Variants in EXO1 observed in about 807,000 individuals in gnomAD.
EXO1 encodes the protein exonuclease 1.
Under a neutral mutation model 84.5 loss-of-function variants are expected in EXO1, and 69 were observed. That is an observed-to-expected ratio of 0.82 (90% CI 0.67 to 1.00). The LOEUF (loss-of-function observed/expected upper bound fraction) is 1.00, where lower values mean the gene tolerates loss of function less well. Among genes scored for constraint, EXO1 ranks in the 50% least tolerant of loss-of-function variants. The pLI is 0.00. For missense variants in EXO1, 1,045 were observed against 1,000.7 expected (o/e 1.04, Z -0.60); for synonymous variants, 373 against 366.1 (o/e 1.02, Z -0.21).
At chr1:241,870,565 A>ACATT (rs1049528763) in intron 11 of EXO1, among the ~76,000 whole-genome samples, 74 of 152,336 alleles carry the variant, frequency 4.9e-4, no homozygotes, top group African/African-American at 1.8e-3. Context: ...GATTGCATTC[A>ACATT]CATTCTTGCA....
chr1:241,865,662 T>TGTCCTTCTCATAGAGAAATTTC (rs1384195007), intron 10 of EXO1, among the ~76,000 whole-genome samples: 1 of 152,224 alleles, frequency 6.6e-6, no homozygotes, highest in Non-Finnish European at 1.5e-5. Flanking sequence ...GTCAGAATTT[T>TGTCCTTCTCATAGAGAAATTTC]GTCCTTCTCA....
intron 9 of EXO1, among the ~76,000 whole-genome samples, chr1:241,860,934 G>C (rs1029361109): frequency 2.2e-4 from 33 of 152,150 alleles, no homozygotes; most frequent in Non-Finnish European, 3.2e-4. Context: ...TACTTAGATT[G>C]ACTGACAGTA....
At chr1:241,872,567 A>G (rs549563377) in intron 12 of EXO1, among the ~76,000 whole-genome samples, 1 of 152,090 alleles carries the variant, frequency 6.6e-6, no homozygotes, top group African/African-American at 2.4e-5. Context: ...ATGTACTCTC[A>G]TTGTTCAACT....
intron 10 of EXO1, among the ~76,000 whole-genome samples, chr1:241,864,271 A>G (rs957151159): frequency 3.3e-5 from 5 of 152,212 alleles, no homozygotes; most frequent in Non-Finnish European, 7.3e-5. Context: ...ACATTTTTCC[A>G]AAAAGAGATG....
In EXO1 at chr1:241,882,323, C is replaced by G. The variant is rs148696074; in HGVS notation, c.2211+306C>G. On this transcript the variant is annotated intron_variant, in intron 14 of 15. Coordinates refer to ENST00000366548, the MANE Select transcript of EXO1 (RefSeq NM_130398.4). ...GTCATTTACCCTAAATTTTTTTGCT[C>G]TAGCAAATAATACTGCAACCAAGAT... Among the ~76,000 whole-genome samples the G allele has an allele frequency of 4.5e-3, 688 of 151,986 alleles. 7 individuals carry two copies. Among genetic ancestry groups the G allele is most frequent in the Middle Eastern group, 0.014 (4 of 294 alleles).
intron 7 of EXO1, 143 bp downstream of exon 7, chr1:241,857,625 A>T (rs1299909349): frequency 3.6e-6 from 1 of 275,506 alleles, no homozygotes. Context: ...TTACAAGGTA[A>T]ATTATTGTAT....
rs143800705 is a variant in EXO1, at chr1:241,878,904, G to A, written c.1670G>A (p.Arg557His). The A allele has an allele frequency of 7.7e-4, 1,235 of 1,614,156 alleles. 4 individuals carry two copies. Among genetic ancestry groups the A allele is most frequent in the South Asian group, 5.0e-3 (458 of 91,086 alleles). ...GKRLVDTDVA[R>H]NSSDDIPNNH... ...AGACTGGTTGACACAGATGTAGCACGTAATTCAAGTGATGACATTCCGAAT... is the reference window on the plus strand; with the variant it reads ...AGACTGGTTGACACAGATGTAGCACATAATTCAAGTGATGACATTCCGAAT... Residue 557 changes from arginine to histidine, a missense_variant, in exon 13 of 16, where the codon CGT (arginine) becomes CAT (histidine). Transcript: ENST00000366548.
In EXO1 at chr1:241,878,930, AATCATATTCCAGGTG is replaced by A; in HGVS notation, c.1709_1723del (p.Gly570_Pro574del). The stretch of plus-strand genomic sequence containing the variant: ...TAATTCAAGTGATGACATTCCGAAT[AATCATATTCCAGGTG>A]ATCATATTCCAGACAAGGCAACAGT... On this transcript the variant is annotated inframe_deletion, in exon 13 of 16. Transcript: ENST00000366548. 1 of 1,614,202 alleles carries A rather than the reference AATCATATTCCAGGTG, an allele frequency of 6.2e-7. No homozygotes were observed.
At chr1:241,883,620 A>T (rs1014695463) in intron 14 of EXO1, among the ~76,000 whole-genome samples, 2 of 152,230 alleles carry the variant, frequency 1.3e-5, no homozygotes, top group Non-Finnish European at 2.9e-5. Flanking sequence ...AATATGAAAT[A>T]TGTAAATATG....
At chr1:241,870,573 G>A (rs1036741658) in intron 11 of EXO1, among the ~76,000 whole-genome samples, 1 of 152,172 alleles carries the variant, frequency 6.6e-6, no homozygotes, top group Admixed American at 6.5e-5. Flanking sequence ...TCACATTCTT[G>A]CAATCTGGCA....
chr1:241,865,464 GCCT>G lies in EXO1; in HGVS notation c.1042-1363_1042-1361del, dbSNP rs556019539. Among the ~76,000 whole-genome samples, 10 of 151,956 alleles carry G rather than the reference GCCT, an allele frequency of 6.6e-5. No homozygotes were observed. In the South Asian group the frequency reaches 2.1e-3, roughly 32 times the overall value. On this transcript the variant is annotated intron_variant, in intron 10 of 15. Transcript: ENST00000366548. The stretch of plus-strand genomic sequence containing the variant: ...GACCTCAGGTGATCCACCTGCCTCA[GCCT>G]CCCAAAGTGCTGGGATTACAGGTGT...
chr1:241,878,735 G>C lies in EXO1; in HGVS notation c.1515-14G>C. The C allele has an allele frequency of 6.5e-7, 1 of 1,544,504 alleles. No individual in the cohort carries two copies. The highest frequency in any genetic ancestry group is 8.9e-7 in the Non-Finnish European group (1 of 1,122,906). On this transcript the variant is annotated splice_polypyrimidine_tract_variant and intron_variant, in intron 12 of 15. Transcript: ENST00000366548. ...CTCATACTTACTTATTGTTTCTATT[G>C]CTTTTTTTATTAGGTTTTTTTGCAG...
intron 13 of EXO1, among the ~76,000 whole-genome samples, chr1:241,879,613 G>A (rs1023337179): frequency 5.3e-5 from 8 of 152,182 alleles, no homozygotes; most frequent in Non-Finnish European, 7.3e-5. Flanking sequence ...GGGTGCCACA[G>A]TTAAAACCGA....
rs1241521187 is a variant in EXO1 at position 241,879,150 on chromosome 1, C to T, written c.1916C>T (p.Ser639Phe). The stretch of plus-strand genomic sequence containing the variant: ...CAGCAGTTCCGAAGAAAGAGCGATT[C>T]CCCCACCTCTTTGCCTGAGAATAAT... Reference protein sequence around the residue: ...ALQQFRRKSDSPTSLPENNMS... With the variant: ...ALQQFRRKSDFPTSLPENNMS... The change falls in exon 13 of 16, where the codon TCC becomes TTC. Residue 639 changes from serine to phenylalanine, a missense_variant. Coordinates refer to ENST00000366548, the MANE Select transcript of EXO1 (RefSeq NM_130398.4). 5.0e-6 allele frequency: 8 copies of T among 1,608,674 alleles called. No homozygotes were observed. The highest frequency in any genetic ancestry group is 1.1e-5 in the South Asian group (1 of 91,040).
chr1:241,881,620 C>A (rs892643131), intron 13 of EXO1, among the ~76,000 whole-genome samples: 3 of 152,198 alleles, frequency 2.0e-5, no homozygotes, highest in Non-Finnish European at 4.4e-5. Flanking sequence ...AGCGTTTTTA[C>A]ATTAGGAGAC....
chr1:241,868,529 G>A (rs1661886640), intron 11 of EXO1, among the ~76,000 whole-genome samples: 1 of 152,062 alleles, frequency 6.6e-6, no homozygotes, highest in African/African-American at 2.4e-5. Context: ...TTAGTCAAAT[G>A]TGGTGACGTG....
At chr1:241,867,373 A>C (rs1449521535) in intron 11 of EXO1, among the ~76,000 whole-genome samples, 1 of 152,186 alleles carries the variant, frequency 6.6e-6, no homozygotes, top group African/African-American at 2.4e-5. Context: ...AAACCATCAG[A>C]TCTCATGAGA....
Position 241,860,523 on chromosome 1 carries a change from A to T in EXO1, c.763A>T (p.Lys255Ter), listed in dbSNP as rs1297681905. ...ANNPDIVKVI[K>*]KIGHYLKMNI... is the part of the protein sequence containing the mutation. The stretch of plus-strand genomic sequence containing the variant: ...TTTTTGCATGCATTGTTAGGTTATC[A>T]AGAAAATTGGACATTATCTCAAGAT... The change falls in exon 9 of 16, where the codon AAG (lysine) becomes TAG (stop). Residue 255 changes from lysine (K) to a stop codon, truncating the protein, a stop_gained. Coordinates refer to ENST00000366548, the MANE Select transcript of EXO1 (RefSeq NM_130398.4). LOFTEE classifies it high-confidence loss of function. 5.0e-6 allele frequency: 8 copies of T among 1,612,874 alleles called. No individual in the cohort carries two copies. The highest frequency in any genetic ancestry group is 6.8e-6 in the Non-Finnish European group (8 of 1,178,854).
chr1:241,880,169 A>G (rs924394695), intron 13 of EXO1, among the ~76,000 whole-genome samples: 1 of 152,188 alleles, frequency 6.6e-6, no homozygotes, highest in Non-Finnish European at 1.5e-5. Flanking sequence ...ACAGGTGTGC[A>G]TACTGGTCTA....
Sources: allele counts gnomAD v4.1 joint callset (sites outside exome capture counted in the v4.1 genomes callset), GRCh38; gene constraint gnomAD v4.1.1; transcripts MANE v1.5; gene names NCBI Gene and HGNC (gene_info 2026-07-23, HGNC 2026-07-21).